The following ZMAT4 variants were observed in gnomAD, a reference collection of about 807,000 sequenced individuals.
ZMAT4 encodes the protein zinc finger matrin-type protein 4.
In ZMAT4, 17 loss-of-function variants were observed where a neutral mutation model predicts 28.7. The observed-to-expected ratio is 0.59, with a 90% CI of 0.41 to 0.89. ZMAT4 has a LOEUF of 0.89. Ranked by LOEUF, ZMAT4 falls within the 40% of genes least tolerant of loss-of-function variation. The pLI, the probability that ZMAT4 is intolerant of heterozygous loss-of-function variation, is 0.00. For missense variants in ZMAT4, 240 were observed against 283.8 expected (o/e 0.85, Z 1.11); for synonymous variants, 117 against 109.2 (o/e 1.07, Z -0.44).
At chr8:40,821,474 T>G (rs1246443117) in intron 2 of ZMAT4, among the ~76,000 whole-genome samples, 1 of 152,180 alleles carries the variant, frequency 6.6e-6, no homozygotes, top group Non-Finnish European at 1.5e-5. Context: ...GTTCCCTATT[T>G]TTTTTCACCT....
At chr8:40,682,893 C>T (rs2150480789) in intron 4 of ZMAT4, among the ~76,000 whole-genome samples, 1 of 152,262 alleles carries the variant, frequency 6.6e-6, no homozygotes, top group Middle Eastern at 3.4e-3. Context: ...GAATTTTAAT[C>T]TTTGAAAATA....
intron 5 of ZMAT4, among the ~76,000 whole-genome samples, chr8:40,608,180 A>C (rs960865312): frequency 1.3e-5 from 2 of 152,082 alleles, no homozygotes; most frequent in African/African-American, 2.4e-5. Flanking sequence ...GGGAGGGTAA[A>C]GAAAGACCAT....
chr8:40,833,338 G>A (rs1166557776), intron 1 of ZMAT4, among the ~76,000 whole-genome samples: 1 of 152,084 alleles, frequency 6.6e-6, no homozygotes, highest in East Asian at 1.9e-4. Context: ...GAGAGGCCGA[G>A]GTGGGCAGAT....
intron 5 of ZMAT4, among the ~76,000 whole-genome samples, chr8:40,604,758 C>A (rs1805521727): frequency 6.6e-6 from 1 of 152,124 alleles, no homozygotes; most frequent in African/African-American, 2.4e-5. Context: ...GAAAGGATTT[C>A]CTCCTTCTCT....
intron 5 of ZMAT4, among the ~76,000 whole-genome samples, chr8:40,643,045 G>A (rs1395363729): frequency 6.6e-6 from 1 of 152,166 alleles, no homozygotes; most frequent in African/African-American, 2.4e-5. Flanking sequence ...AAGATACCAT[G>A]GAGGCCATGT....
chr8:40,625,267 G>A (rs1225993665), intron 5 of ZMAT4, among the ~76,000 whole-genome samples: 1 of 143,710 alleles, frequency 7.0e-6, no homozygotes, highest in Non-Finnish European at 1.6e-5. Context: ...GCAGGAAGGA[G>A]CTAGATAGTG....
At chr8:40,782,860 C>A (rs1262663207) in intron 2 of ZMAT4, among the ~76,000 whole-genome samples, 1 of 152,158 alleles carries the variant, frequency 6.6e-6, no homozygotes, top group Non-Finnish European at 1.5e-5. Flanking sequence ...AAAAATAGGT[C>A]CTTGGAATAT....
intron 1 of ZMAT4, among the ~76,000 whole-genome samples, chr8:40,876,950 T>C (rs1251020611): frequency 6.6e-6 from 1 of 152,218 alleles, no homozygotes; most frequent in African/African-American, 2.4e-5. Context: ...GTGAATTGTA[T>C]CCTCTCTGAA....
At chr8:40,867,592 T>C (rs979934765) in intron 1 of ZMAT4, among the ~76,000 whole-genome samples, 1 of 152,234 alleles carries the variant, frequency 6.6e-6, no homozygotes, top group South Asian at 2.1e-4. Context: ...GCCTCCTTGC[T>C]GCCTCTCACA....
intron 6 of ZMAT4, among the ~76,000 whole-genome samples, chr8:40,541,003 G>A (rs903033099): frequency 3.9e-5 from 6 of 152,138 alleles, no homozygotes; most frequent in Non-Finnish European, 5.9e-5. Flanking sequence ...GTTCTGGCAC[G>A]TAGCAGCTCT....
At chr8:40,690,595 T>A (rs1169427249) in intron 4 of ZMAT4, among the ~76,000 whole-genome samples, 4 of 152,130 alleles carry the variant, frequency 2.6e-5, no homozygotes, top group Non-Finnish European at 5.9e-5. Flanking sequence ...CTGATTCAGA[T>A]GAAATAACTG....
At chr8:40,765,855 A>T (rs1813137032) in intron 3 of ZMAT4, among the ~76,000 whole-genome samples, 1 of 152,220 alleles carries the variant, frequency 6.6e-6, no homozygotes, top group Non-Finnish European at 1.5e-5. Flanking sequence ...CTAAATGGCT[A>T]TTATATGAAA....
At chr8:40,860,187 GAT>G (rs1192009617) in intron 1 of ZMAT4, among the ~76,000 whole-genome samples, 1 of 152,116 alleles carries the variant, frequency 6.6e-6, no homozygotes, top group Admixed American at 6.6e-5. Flanking sequence ...CTGTTTTGTA[GAT>G]ATCTCCCAAT....
intron 1 of ZMAT4, among the ~76,000 whole-genome samples, chr8:40,850,012 T>C (rs1225700095): frequency 2.6e-5 from 4 of 152,140 alleles, no homozygotes; most frequent in Non-Finnish European, 5.9e-5. Flanking sequence ...ATCTGATCTA[T>C]GAGCAGGACA....
intron 5 of ZMAT4, among the ~76,000 whole-genome samples, chr8:40,624,354 C>G (rs1416846849): frequency 6.6e-6 from 1 of 152,200 alleles, no homozygotes; most frequent in Non-Finnish European, 1.5e-5. Flanking sequence ...AGAACTCTCA[C>G]CAGAACCAGA....
chr8:40,567,026 A>C (rs2118492848), intron 6 of ZMAT4, among the ~76,000 whole-genome samples: 1 of 152,292 alleles, frequency 6.6e-6, no homozygotes, highest in Middle Eastern at 3.4e-3. Flanking sequence ...AGAAATCAAA[A>C]AGAGTAAAGT....
chr8:40,583,770 G>A (rs1394592428), intron 5 of ZMAT4, among the ~76,000 whole-genome samples: 1 of 152,114 alleles, frequency 6.6e-6, no homozygotes, highest in Admixed American at 6.6e-5. Flanking sequence ...TTGGTAAGGT[G>A]GGACAACTTG....
At chr8:40,862,584 T>TA (rs398007582) in intron 1 of ZMAT4, among the ~76,000 whole-genome samples, 28,716 of 109,824 alleles carry the variant, frequency 0.26, 3,591 homozygotes, top group East Asian at 0.39. Flanking sequence ...AAAAAAAAAT[T>TA]AAAAAAAAAA....
Position 40,728,962 on chromosome 8 carries a change from C to T in ZMAT4, c.193-31561G>A, listed in dbSNP as rs1163792841. On this transcript the variant is annotated intron_variant, in intron 3 of 6. Coordinates refer to ENST00000297737, the MANE Select transcript of ZMAT4 (RefSeq NM_024645.3). Reference sequence around the variant, plus strand: ...ACAGTATGGTCTCTTTTGTGTTTGGCTTCTAGCACACAATGTTTTGAAACT... The same window carrying T: ...ACAGTATGGTCTCTTTTGTGTTTGGTTTCTAGCACACAATGTTTTGAAACT... Among the ~76,000 whole-genome samples, 6 of 152,208 alleles carry T rather than the reference C, an allele frequency of 3.9e-5. 1 individual carries two copies. Among genetic ancestry groups the T allele is most frequent in the Admixed American group, 2.6e-4 (4 of 15,270 alleles).
Sources: allele counts gnomAD v4.1 joint callset (sites outside exome capture counted in the v4.1 genomes callset), GRCh38; gene constraint gnomAD v4.1.1; transcripts MANE v1.5; gene names NCBI Gene and HGNC (gene_info 2026-07-23, HGNC 2026-07-21).